The following DCHS2 variants were observed in gnomAD, a reference collection of about 807,000 sequenced individuals.
DCHS2 encodes protocadherin-23.
DCHS2 carries 142 observed loss-of-function variants against 182.4 expected under a neutral mutation model. That is an observed-to-expected ratio of 0.78 (90% CI 0.68 to 0.89). DCHS2 has a LOEUF of 0.89. Among genes scored for constraint, DCHS2 ranks in the 40% least tolerant of loss-of-function variants. The probability of loss-of-function intolerance (pLI) is 0.00; values close to 1 mark genes in which losing one functional copy is unlikely to be tolerated. For missense variants in DCHS2, 4,319 were observed against 4,198.6 expected, an observed-to-expected ratio of 1.03 and a Z score of -0.79; for synonymous variants, 1,740 against 1,663.3, an observed-to-expected ratio of 1.05 and a Z score of -1.12.
intron 13 of DCHS2, among the ~76,000 whole-genome samples, chr4:154,296,761 C>G (rs1734943268): frequency 6.6e-6 from 1 of 152,108 alleles, no homozygotes. Flanking sequence ...AAATAATTCA[C>G]TCAGGATGAC....
At chr4:154,405,215 C>T (rs993994822) in intron 1 of DCHS2, among the ~76,000 whole-genome samples, 2 of 152,124 alleles carry the variant, frequency 1.3e-5, no homozygotes. Flanking sequence ...CACGCCATTG[C>T]ACTCCATCCT....
chr4:154,420,238 C>T, intron 1 of DCHS2, among the ~76,000 whole-genome samples: 1 of 138,868 alleles, frequency 7.2e-6, no homozygotes, highest in Non-Finnish European at 1.5e-5. Context: ...CGATGGGAGA[C>T]AGACAGACAG....
intron 1 of DCHS2, among the ~76,000 whole-genome samples, chr4:154,436,687 T>C (rs1733794933): frequency 6.6e-6 from 1 of 152,190 alleles, no homozygotes; most frequent in African/African-American, 2.4e-5. Flanking sequence ...AGATTTTTAT[T>C]TGGGCTAAAA....
chr4:154,479,214 G>A (rs1226230714), intron 1 of DCHS2, among the ~76,000 whole-genome samples: 2 of 152,080 alleles, frequency 1.3e-5, no homozygotes, highest in Non-Finnish European at 2.9e-5. Context: ...CAGCAGGATG[G>A]TGATGAAGAA....
At chr4:154,411,287 G>C (rs867475018) in intron 1 of DCHS2, among the ~76,000 whole-genome samples, 3 of 152,146 alleles carry the variant, frequency 2.0e-5, no homozygotes, top group African/African-American at 4.8e-5. Flanking sequence ...AGAATACAAA[G>C]TAGCAAATAA....
intron 1 of DCHS2, among the ~76,000 whole-genome samples, chr4:154,445,881 C>T (rs776411315): frequency 4.0e-5 from 6 of 151,570 alleles, no homozygotes; most frequent in Non-Finnish European, 5.9e-5. Flanking sequence ...CAACATCCCT[C>T]GAGTAGAACA....
At position 154,319,483 on chromosome 4, in the gene DCHS2, T is replaced by TA. The variant is rs919352981; in HGVS notation, c.5020+895dup. Among the ~76,000 whole-genome samples the TA allele has an allele frequency of 1.2e-4, 18 of 151,264 alleles. 1 individual carries two copies. The highest frequency in any genetic ancestry group is 6.3e-4 in the South Asian group (3 of 4,784). On this transcript the variant is annotated intron_variant, in intron 9 of 19. Coordinates refer to ENST00000357232, the MANE Select transcript of DCHS2 (RefSeq NM_001358235.2). ...ATAAAAAAACTCCTACAACTAAACA[T>TA]AAAAAAACCCTAATTTTAAAATGGA...
At chr4:154,446,624 A>G (rs1734294776) in intron 1 of DCHS2, among the ~76,000 whole-genome samples, 1 of 152,128 alleles carries the variant, frequency 6.6e-6, no homozygotes, top group Non-Finnish European at 1.5e-5. Flanking sequence ...AGAGTAAGGG[A>G]TTGAGCTGGA....
Position 154,239,312 on chromosome 4 carries a change from A to G in DCHS2, c.7360-10T>C. ...ATTCAGGAACTGTGACCTGAGGGAA[A>G]AAGAGAAAAATAGGGACATTGTGCT... On this transcript the variant is annotated splice_polypyrimidine_tract_variant and intron_variant, in intron 18 of 19. Transcript: ENST00000357232. The G allele has an allele frequency of 6.2e-7, 1 of 1,611,832 alleles. No homozygotes were observed. Among genetic ancestry groups the G allele is most frequent in the South Asian group, 1.1e-5 (1 of 90,652 alleles).
chr4:154,469,230 T>A (rs1271103052), intron 1 of DCHS2, among the ~76,000 whole-genome samples: 1 of 152,084 alleles, frequency 6.6e-6, no homozygotes, highest in Non-Finnish European at 1.5e-5. Flanking sequence ...CTTCTCAATA[T>A]AAAAATTTCT....
At chr4:154,304,563 G>A in intron 12 of DCHS2, 106 bp downstream of exon 12, 3 of 942,584 alleles carry the variant, frequency 3.2e-6, no homozygotes, top group Non-Finnish European at 3.1e-6. Flanking sequence ...AACCTGGGAG[G>A]TGAAGTTGCA....
chr4:154,270,270 T>C (rs1246088585), intron 13 of DCHS2, among the ~76,000 whole-genome samples: 1 of 152,130 alleles, frequency 6.6e-6, no homozygotes. Flanking sequence ...CATTAAAACA[T>C]ACATAATCAT....
chr4:154,361,978 A>G (rs1193776058), intron 3 of DCHS2, among the ~76,000 whole-genome samples: 4 of 152,226 alleles, frequency 2.6e-5, no homozygotes, highest in African/African-American at 9.6e-5. Context: ...TGCAAATGAA[A>G]TCTCTAAGAG....
At chr4:154,410,602 T>C (rs200581706) in intron 1 of DCHS2, among the ~76,000 whole-genome samples, 72 of 66,236 alleles carry the variant, frequency 1.1e-3, no homozygotes, top group Non-Finnish European at 1.6e-3. Flanking sequence ...AAAAAAAAAA[T>C]GAAGGCAGCC....
At position 154,321,034 on chromosome 4, in the gene DCHS2, G is replaced by A; in HGVS notation, c.4365C>T (p.Asp1455=). The A allele has an allele frequency of 6.2e-7, 1 of 1,613,420 alleles. No homozygotes were observed. Among genetic ancestry groups the A allele is most frequent in the Non-Finnish European group, 8.5e-7 (1 of 1,179,554 alleles). ...AAAGAAACAAGTCTCCGGTTGAGCT[G>A]TCTATTTCAAAGTGTCCATCCTTAT... ...ADDKDGHFEI[D]SSTGDLFLSK... The change falls in exon 9 of 20, where the codon GAC becomes GAT. Residue 1455 remains aspartate, a synonymous_variant. Coordinates refer to ENST00000357232, the MANE Select transcript of DCHS2 (RefSeq NM_001358235.2).
intron 14 of DCHS2, chr4:154,261,921 C>A (rs910765056): frequency 2.6e-5 from 4 of 152,080 alleles, no homozygotes; most frequent in African/African-American, 9.7e-5. Flanking sequence ...ACTAGGTGGT[C>A]TTCAGAAACC....
At chr4:154,395,493 C>A (rs930727256) in intron 1 of DCHS2, among the ~76,000 whole-genome samples, 2 of 152,146 alleles carry the variant, frequency 1.3e-5, no homozygotes, top group Admixed American at 1.3e-4. Context: ...TGGATTGCTC[C>A]GCCATCACAC....
chr4:154,488,910 G>C (rs1208337617), intron 1 of DCHS2, among the ~76,000 whole-genome samples: 2 of 74,646 alleles, frequency 2.7e-5, no homozygotes, highest in African/African-American at 6.3e-5. Flanking sequence ...GTCTGTGTGT[G>C]TGTGTGTGTG....
chr4:154,318,007 T>C (rs1735922595), intron 9 of DCHS2, among the ~76,000 whole-genome samples: 2 of 152,162 alleles, frequency 1.3e-5, no homozygotes, highest in South Asian at 2.1e-4. Context: ...CTTTGAACAA[T>C]GCTGTTGATT....
Sources: gnomAD v4.1 joint callset for allele counts (sites outside exome capture counted in the v4.1 genomes callset) on GRCh38, gnomAD v4.1.1 for gene constraint, MANE v1.5 for transcripts, NCBI Gene and HGNC (gene_info 2026-07-23, HGNC 2026-07-21) for gene names.